The following SH3RF3 variants were observed in gnomAD, a reference collection of about 807,000 sequenced individuals.
SH3RF3 encodes SH3 domain containing ring finger 3.
A neutral mutation model predicts 66.3 loss-of-function variants in SH3RF3; 29 were observed. That is an observed-to-expected ratio of 0.44 (90% CI 0.33 to 0.60). SH3RF3 has a LOEUF of 0.60. Among genes scored for constraint, SH3RF3 ranks in the 20% least tolerant of loss-of-function variants. The pLI is 0.04. For missense variants in SH3RF3, 1,194 were observed against 1,190.9 expected, an observed-to-expected ratio of 1.00 and a Z score of -0.04; for synonymous variants, 583 against 532.0, an observed-to-expected ratio of 1.10 and a Z score of -1.32.
chr2:109,230,962 A>G (rs1406562198), intron 1 of SH3RF3, among the ~76,000 whole-genome samples: 2 of 152,236 alleles, frequency 1.3e-5, no homozygotes, highest in African/African-American at 4.8e-5. Context: ...CATTTGCAGT[A>G]GGAGTTGGGT....
At position 109,243,979 on chromosome 2, in the gene SH3RF3, C is replaced by G. The variant is rs185318466; in HGVS notation, c.574-103695C>G. On this transcript the variant is annotated intron_variant, in intron 1 of 9. Coordinates refer to ENST00000309415, the MANE Select transcript of SH3RF3 (RefSeq NM_001099289.3). Reference sequence around the variant, plus strand: ...CACTTGGTGGTTCTGTTTGCCCTGCCCAGCTCATGTGCTCATAGGTGAAGT... The same window carrying G: ...CACTTGGTGGTTCTGTTTGCCCTGCGCAGCTCATGTGCTCATAGGTGAAGT... Among the ~76,000 whole-genome samples the G allele has an allele frequency of 1.2e-3, 180 of 152,246 alleles. 2 individuals are homozygous for G. The highest frequency in any genetic ancestry group is 4.1e-3 in the African/African-American group (172 of 41,542).
At chr2:109,237,805 A>T (rs1226021731) in intron 1 of SH3RF3, among the ~76,000 whole-genome samples, 2 of 152,228 alleles carry the variant, frequency 1.3e-5, no homozygotes, top group Non-Finnish European at 2.9e-5. Flanking sequence ...AAAAACAAAT[A>T]CTTTCTACAC....
At chr2:109,192,852 C>T (rs372269359) in intron 1 of SH3RF3, among the ~76,000 whole-genome samples, 1 of 152,308 alleles carries the variant, frequency 6.6e-6, no homozygotes, top group East Asian at 1.9e-4. Flanking sequence ...ATTTCTCCTG[C>T]ACCTGTTTCT....
intron 1 of SH3RF3, among the ~76,000 whole-genome samples, chr2:109,147,175 A>G (rs1035245997): frequency 6.6e-6 from 1 of 152,114 alleles, no homozygotes; most frequent in African/African-American, 2.4e-5. Context: ...CACTTCCTCA[A>G]GGTGCCTGGG....
intron 7 of SH3RF3, among the ~76,000 whole-genome samples, chr2:109,441,063 A>G (rs1228932698): frequency 6.6e-6 from 1 of 151,684 alleles, no homozygotes; most frequent in African/African-American, 2.4e-5. Flanking sequence ...AACAACACTC[A>G]AGAGTCAAAC....
intron 8 of SH3RF3, among the ~76,000 whole-genome samples, chr2:109,455,874 C>G (rs1326846673): frequency 6.6e-6 from 1 of 152,200 alleles, no homozygotes; most frequent in Non-Finnish European, 1.5e-5. Flanking sequence ...TCCCACCAAC[C>G]AGGGTGGGGA....
intron 8 of SH3RF3, among the ~76,000 whole-genome samples, chr2:109,455,276 T>C (rs1200970071): frequency 6.6e-6 from 1 of 152,124 alleles, no homozygotes; most frequent in Non-Finnish European, 1.5e-5. Context: ...GAAAGGGCCC[T>C]AGGTGTCTGC....
intron 1 of SH3RF3, among the ~76,000 whole-genome samples, chr2:109,345,740 A>G (rs1221707412): frequency 6.6e-6 from 1 of 152,234 alleles, no homozygotes; most frequent in Non-Finnish European, 1.5e-5. Flanking sequence ...AAGTTCTATT[A>G]GAACAGGGAA....
At chr2:109,262,464 A>C (rs753295256) in intron 1 of SH3RF3, among the ~76,000 whole-genome samples, 2 of 152,216 alleles carry the variant, frequency 1.3e-5, no homozygotes, top group Non-Finnish European at 2.9e-5. Flanking sequence ...AAGAGCCCAT[A>C]GGACAGTGTC....
intron 8 of SH3RF3, among the ~76,000 whole-genome samples, chr2:109,476,649 A>G (rs1678691014): frequency 6.6e-6 from 1 of 152,240 alleles, no homozygotes; most frequent in Admixed American, 6.5e-5. Context: ...CCAGATCCCA[A>G]GAGAGGGTTC....
chr2:109,241,213 G>A (rs561558653), intron 1 of SH3RF3, among the ~76,000 whole-genome samples: 252 of 151,938 alleles, frequency 1.7e-3, no homozygotes, highest in African/African-American at 5.4e-3. Flanking sequence ...CTCTGAAAAA[G>A]CAGTTTGTTT....
At chr2:109,306,043 G>T (rs979566066) in intron 1 of SH3RF3, among the ~76,000 whole-genome samples, 1 of 152,212 alleles carries the variant, frequency 6.6e-6, no homozygotes, top group Non-Finnish European at 1.5e-5. Context: ...GCCTTCTGCT[G>T]GGCTCTTACT....
intron 1 of SH3RF3, among the ~76,000 whole-genome samples, chr2:109,303,737 A>G (rs1402806424): frequency 1.3e-5 from 2 of 152,218 alleles, no homozygotes; most frequent in Non-Finnish European, 2.9e-5. Context: ...GTTGGCATAT[A>G]AAAAGCTGGG....
In SH3RF3 at chr2:109,503,686, C is replaced by T. The variant is rs187784709; in HGVS notation, c.*2015C>T. ...CAACAACCTGGATGACGCAGGTGTTCTCCAGGGAAACCAGACCAAGTCAAG... is the reference window on the plus strand; with the variant it reads ...CAACAACCTGGATGACGCAGGTGTTTTCCAGGGAAACCAGACCAAGTCAAG... On this transcript the variant is annotated 3_prime_UTR_variant, in exon 10 of 10. Coordinates refer to ENST00000309415, the MANE Select transcript of SH3RF3 (RefSeq NM_001099289.3). 2 of 152,338 alleles carry T rather than the reference C, an allele frequency of 1.3e-5. No homozygotes were observed. Among genetic ancestry groups the T allele is most frequent in the African/African-American group, 4.8e-5 (2 of 41,572 alleles). The allele number at this position is 152,338 out of a possible 1,614,324, so 9.4% of individuals were successfully genotyped here.
intron 1 of SH3RF3, among the ~76,000 whole-genome samples, chr2:109,346,273 G>A (rs940053674): frequency 2.6e-5 from 4 of 152,158 alleles, no homozygotes; most frequent in Non-Finnish European, 5.9e-5. Context: ...TTTGCCAGCA[G>A]GCTCTCTCTT....
chr2:109,222,144 A>G (rs1287130100), intron 1 of SH3RF3, among the ~76,000 whole-genome samples: 1 of 147,474 alleles, frequency 6.8e-6, no homozygotes, highest in Admixed American at 6.7e-5. Context: ...AAGCTAAAAA[A>G]GGTGCTCGCA....
intron 1 of SH3RF3, among the ~76,000 whole-genome samples, chr2:109,222,915 G>A (rs958339245): frequency 1.3e-5 from 2 of 152,272 alleles, no homozygotes; most frequent in Non-Finnish European, 2.9e-5. Context: ...GACTCAGCCA[G>A]CTGTGAGAGG....
chr2:109,266,257 G>GT (rs1325921974), intron 1 of SH3RF3, among the ~76,000 whole-genome samples: 1 of 151,568 alleles, frequency 6.6e-6, no homozygotes, highest in East Asian at 1.9e-4. Flanking sequence ...TGCTGTGTGT[G>GT]TTGTGCGTGC....
chr2:109,330,266 C>G (rs1276724942), intron 1 of SH3RF3, among the ~76,000 whole-genome samples: 2 of 152,118 alleles, frequency 1.3e-5, no homozygotes, highest in Non-Finnish European at 2.9e-5. Context: ...GCCTTTTCCT[C>G]AATTTTGGTG....
Sources: gnomAD v4.1 joint callset for allele counts (sites outside exome capture counted in the v4.1 genomes callset) on GRCh38, gnomAD v4.1.1 for gene constraint, MANE v1.5 for transcripts, NCBI Gene and HGNC (gene_info 2026-07-23, HGNC 2026-07-21) for gene names.